Variants in FAM161B observed in about 807,000 individuals in gnomAD.
The protein encoded by FAM161B is FAM161 centrosomal protein B.
Under a neutral mutation model 61.5 loss-of-function variants are expected in FAM161B, and 46 were observed. The observed-to-expected ratio is 0.75, with a 90% CI of 0.59 to 0.96. FAM161B has a LOEUF of 0.96. Ranked by LOEUF, FAM161B falls within the 40% of genes least tolerant of loss-of-function variation. The pLI is 0.00. For synonymous variants in FAM161B, 284 were observed against 302.7 expected (o/e 0.94, Z 0.64); for missense variants, 774 against 800.7 (o/e 0.97, Z 0.40).
rs911022612 is a variant in FAM161B at position 73,946,608 on chromosome 14, A to G, written c.55-3T>C. On this transcript the variant is annotated splice_polypyrimidine_tract_variant and splice_region_variant and intron_variant, in intron 1 of 8. Transcript: ENST00000286544. Reference sequence around the variant, plus strand: ...GCGAAGGACTCGGGGGGAAATATCTAAAATAGAATAGAAATAGGCTGTGGG... The same window carrying G: ...GCGAAGGACTCGGGGGGAAATATCTGAAATAGAATAGAAATAGGCTGTGGG... 1.2e-6 allele frequency: 2 copies of G among 1,610,590 alleles called. No individual in the cohort carries two copies. The highest frequency in any genetic ancestry group is 1.7e-6 in the Non-Finnish European group (2 of 1,177,624).
chr14:73,944,776 C>T lies in FAM161B; in HGVS notation c.484G>A (p.Val162Ile), dbSNP rs748939538. 70 of 1,589,468 alleles carry T rather than the reference C, an allele frequency of 4.4e-5. No individual in the cohort carries two copies. The highest frequency in any genetic ancestry group is 2.1e-4 in the South Asian group (18 of 87,764). The change falls in exon 3 of 9, where the codon GTC (valine) becomes ATC (isoleucine). Residue 162 changes from valine (V) to isoleucine (I), a missense_variant. By Grantham distance (29) the Val-to-Ile change is conservative (BLOSUM62 3). Transcript: ENST00000286544. ...GSRPPSQHRS[V>I]SSWASSITVP... Reference sequence around the variant, plus strand: ...GTAATGGATGATGCCCAGGAGCTGACGCTTCTGTGCTGGGAGGGAGGCCGG... The same window carrying T: ...GTAATGGATGATGCCCAGGAGCTGATGCTTCTGTGCTGGGAGGGAGGCCGG...
At chr14:73,948,922 ATTT>A (rs542417797) in intron 1 of FAM161B, among the ~76,000 whole-genome samples, 1 of 144,454 alleles carries the variant, frequency 6.9e-6, no homozygotes, top group African/African-American at 2.5e-5. Context: ...CACCTGGCTA[ATTT>A]TTTTTTTTTT....
At chr14:73,945,310 G>A (rs1237291365) in intron 2 of FAM161B, among the ~76,000 whole-genome samples, 1 of 152,168 alleles carries the variant, frequency 6.6e-6, no homozygotes, top group Non-Finnish European at 1.5e-5. Flanking sequence ...AAAGTAATGA[G>A]ATAATGTACA....
chr14:73,930,217 C>T (rs151317495), downstream of FAM161B, among the ~76,000 whole-genome samples: 673 of 152,286 alleles, frequency 4.4e-3, 6 homozygotes, highest in African/African-American at 0.016. Context: ...ACACACTATT[C>T]TTAACTTTCC....
At chr14:73,941,144 G>A (rs776893329) in intron 4 of FAM161B, 91 bp from the exon 5 acceptor site, 36 of 1,372,458 alleles carry the variant, frequency 2.6e-5, no homozygotes, top group East Asian at 5.8e-5. Context: ...ACAGAGTCTC[G>A]TCTCGCTCTT....
intron 7 of FAM161B, among the ~76,000 whole-genome samples, chr14:73,937,035 C>A (rs1307306976): frequency 2.0e-5 from 3 of 151,820 alleles, no homozygotes; most frequent in Middle Eastern, 3.2e-3. Context: ...TATGGGTTAG[C>A]CCTGCTCCAT....
downstream of FAM161B, among the ~76,000 whole-genome samples, chr14:73,929,618 A>G (rs140000626): frequency 2.7e-3 from 409 of 152,010 alleles, 2 homozygotes; most frequent in African/African-American, 9.4e-3. Flanking sequence ...GGGAGGATCA[A>G]TTGAGCTTAG....
At position 73,936,035 on chromosome 14, in the gene FAM161B, AG is replaced by A; in HGVS notation, c.1718del (p.Ala573ValfsTer8). 1 of 1,613,866 alleles carries A rather than the reference AG, an allele frequency of 6.2e-7. No individual in the cohort carries two copies. The highest frequency in any genetic ancestry group is 2.2e-5 in the East Asian group (1 of 44,892). ...TTCTCACAAAGTCTTCCTCCAGCCC[AG>A]CCTGCTTCAGGGTGTCTAGATACCA... Reference protein sequence around the residue: ...EQWYLDTLKQAGLEEDFVRNK... With the variant: ...EQWYLDTLKQXGLEEDFVRNK... On this transcript the variant is annotated frameshift_variant, in exon 8 of 9. Coordinates refer to ENST00000286544, the MANE Select transcript of FAM161B (RefSeq NM_152445.3). LOFTEE classifies it high-confidence loss of function.
At chr14:73,934,603 AT>A (rs778237371) in intron 8 of FAM161B, among the ~76,000 whole-genome samples, 3,012 of 140,942 alleles carry the variant, frequency 0.021, 19 homozygotes, top group African/African-American at 0.025. Context: ...CACCCAGCTA[AT>A]TTTTTTTTTT....
the FAM161B span, among the ~76,000 whole-genome samples, chr14:73,925,671 A>G: frequency 6.6e-6 from 1 of 151,502 alleles, no homozygotes; most frequent in Non-Finnish European, 1.5e-5. Context: ...CAAGTGATCC[A>G]CCCGCCTCAG....
downstream of FAM161B, among the ~76,000 whole-genome samples, chr14:73,930,999 C>T (rs2055903781): frequency 6.6e-6 from 1 of 152,090 alleles, no homozygotes; most frequent in African/African-American, 2.4e-5. Flanking sequence ...TGGTAGTTGC[C>T]ATTATGCAGG....
rs1254533134 is a variant in FAM161B at position 73,946,424 on chromosome 14, C to T, written c.236G>A (p.Arg79Lys). 9 of 1,614,076 alleles carry T rather than the reference C, an allele frequency of 5.6e-6. No homozygotes were observed. Among genetic ancestry groups the T allele is most frequent in the Non-Finnish European group, 7.6e-6 (9 of 1,180,056 alleles). ...QNLQELKQKG[R>K]WCLLESLFQS... ...AAAGAGAGACTCCAACAGACACCAT[C>T]TCCCTTTCTGCTTCAGTTCCTGTAA... The change falls in exon 2 of 9, where the codon AGA becomes AAA. Residue 79 changes from arginine to lysine, a missense_variant. Arg to Lys is a conservative substitution (Grantham distance 26). Coordinates refer to ENST00000286544, the MANE Select transcript of FAM161B (RefSeq NM_152445.3).
At chr14:73,940,551 C>T (rs1027080225) in intron 5 of FAM161B, among the ~76,000 whole-genome samples, 2 of 152,068 alleles carry the variant, frequency 1.3e-5, no homozygotes, top group Admixed American at 1.3e-4. Flanking sequence ...AGACAAGACC[C>T]CCCTGCTCCA....
At chr14:73,929,495 A>G (rs1331925551), downstream of FAM161B, among the ~76,000 whole-genome samples, 3 of 152,154 alleles carry the variant, frequency 2.0e-5, no homozygotes, top group Non-Finnish European at 4.4e-5. Flanking sequence ...TCCTGTAAAT[A>G]TGCTCTAAAA....
rs773209743 is a variant in FAM161B, at chr14:73,938,037, T to G, written c.1476A>C (p.Ala492=). ...CACGCAAGGTCACAGATTTGGACAT[T>G]GCTTGAGACTTCTTTTTGTGTATCT... ...WLEIHKKKSQ[A]MSKSVTLRAK... The change falls in exon 6 of 9, where the codon GCA becomes GCC. Residue 492 remains alanine, a synonymous_variant. Coordinates refer to ENST00000286544, the MANE Select transcript of FAM161B (RefSeq NM_152445.3). 2 of 1,614,164 alleles carry G rather than the reference T, an allele frequency of 1.2e-6. No individual in the cohort carries two copies. Among genetic ancestry groups the G allele is most frequent in the East Asian group, 2.2e-5 (1 of 44,802 alleles).
chr14:73,946,713 G>T, intron 1 of FAM161B, 108 bp from the exon 2 acceptor site: 1 of 1,190,640 alleles, frequency 8.4e-7, no homozygotes, highest in Non-Finnish European at 1.2e-6. Context: ...GGACTGGGGA[G>T]AATTTGGGGT....
At chr14:73,927,934 T>C (rs578140834), downstream of FAM161B, 102 of 167,332 alleles carry the variant, frequency 6.1e-4, 2 homozygotes, top group African/African-American at 2.3e-3. Flanking sequence ...ACCTCCTGGG[T>C]TCAAGCAATT....
At chr14:73,929,845 A>G (rs2055885630), downstream of FAM161B, among the ~76,000 whole-genome samples, 3 of 151,952 alleles carry the variant, frequency 2.0e-5, no homozygotes, top group South Asian at 6.2e-4. Context: ...TTACCATGGG[A>G]AAAATATCAG....
downstream of FAM161B, chr14:73,927,365 C>G: frequency 6.4e-6 from 1 of 155,326 alleles, no homozygotes; most frequent in Non-Finnish European, 1.4e-5. Flanking sequence ...AGGCATGAGC[C>G]ACTGCGCCCG....
Sources: gnomAD v4.1 joint callset for allele counts (sites outside exome capture counted in the v4.1 genomes callset) on GRCh38, gnomAD v4.1.1 for gene constraint, MANE v1.5 for transcripts, NCBI Gene and HGNC (gene_info 2026-07-23, HGNC 2026-07-21) for gene names.